Variants in EFCAB11 observed in about 807,000 individuals in gnomAD.
EFCAB11 encodes the protein EF-hand calcium binding domain 11.
Under a neutral mutation model 23.0 loss-of-function variants are expected in EFCAB11, and 14 were observed. The ratio of observed to expected loss-of-function variants is 0.61; its 90% CI spans 0.40 to 0.95. The LOEUF (loss-of-function observed/expected upper bound fraction) is 0.95. Ranked by LOEUF, EFCAB11 falls within the 40% of genes least tolerant of loss-of-function variation. The pLI, the probability that EFCAB11 is intolerant of heterozygous loss-of-function variation, is 0.00. For synonymous variants in EFCAB11, 65 were observed against 66.6 expected (o/e 0.98, Z 0.11); for missense variants, 198 against 195.8 (o/e 1.01, Z -0.07).
chr14:89,856,239 A>G (rs1271999799), intron 5 of EFCAB11, among the ~76,000 whole-genome samples: 1 of 143,782 alleles, frequency 7.0e-6, no homozygotes, highest in African/African-American at 2.6e-5. Flanking sequence ...TCAATGCTGG[A>G]GTGCAGTGGT....
chr14:89,843,055 T>C (rs925105370), intron 5 of EFCAB11, among the ~76,000 whole-genome samples: 10 of 152,162 alleles, frequency 6.6e-5, no homozygotes, highest in Non-Finnish European at 1.5e-4. Flanking sequence ...GTAGATGACT[T>C]AGCTCCATGG....
intron 5 of EFCAB11, chr14:89,829,807 T>C (rs1261683686): frequency 6.6e-6 from 1 of 152,126 alleles, no homozygotes; most frequent in Non-Finnish European, 1.5e-5. Context: ...CACCTTAAAT[T>C]TGATAAAGCA....
chr14:89,858,778 G>T (rs554985749), intron 5 of EFCAB11, among the ~76,000 whole-genome samples: 1 of 149,048 alleles, frequency 6.7e-6, no homozygotes, highest in East Asian at 2.0e-4. Flanking sequence ...CACTGTGCCT[G>T]GCCAATGATG....
At chr14:89,884,014 C>T (rs533109101) in intron 5 of EFCAB11, among the ~76,000 whole-genome samples, 1 of 152,116 alleles carries the variant, frequency 6.6e-6, no homozygotes, top group Admixed American at 6.6e-5. Flanking sequence ...ATAGTCCCAG[C>T]TACTCCAGAG....
chr14:89,826,543 G>T (rs1006900793), intron 5 of EFCAB11, among the ~76,000 whole-genome samples: 1 of 152,016 alleles, frequency 6.6e-6, no homozygotes, highest in Non-Finnish European at 1.5e-5. Context: ...CACCCTCTAA[G>T]AAATGGACTG....
chr14:89,826,568 C>A (rs1886697931), intron 5 of EFCAB11, among the ~76,000 whole-genome samples: 2 of 151,608 alleles, frequency 1.3e-5, no homozygotes, highest in Non-Finnish European at 2.9e-5. Context: ...AAAGGGAGAG[C>A]AGGAAGCTGT....
rs187121873 is a variant in EFCAB11, at chr14:89,885,631, C to T, written c.410+45910G>A. Among the ~76,000 whole-genome samples, 244 of 148,344 alleles carry T rather than the reference C, an allele frequency of 1.6e-3. 6 individuals are homozygous for T. The highest frequency in any genetic ancestry group is 1.2e-4 in the Non-Finnish European group (8 of 67,508). On this transcript the variant is annotated intron_variant, in intron 5 of 5. Transcript: ENST00000316738. ...GGTGGAGGTTGCAGTGAGCTGAGAT[C>T]GCACCACTGCACTCCAGCCTGGGTG... is the stretch of plus-strand genomic sequence containing the variant.
At chr14:89,938,438 G>C (rs764454060) in intron 3 of EFCAB11, among the ~76,000 whole-genome samples, 1 of 152,150 alleles carries the variant, frequency 6.6e-6, no homozygotes, top group African/African-American at 2.4e-5. Flanking sequence ...TAATGTGTTC[G>C]CACAGAAAGA....
chr14:89,860,558 A>C (rs532395879), intron 5 of EFCAB11, among the ~76,000 whole-genome samples: 1 of 152,308 alleles, frequency 6.6e-6, no homozygotes, highest in East Asian at 1.9e-4. Flanking sequence ...ATGTCTTTGA[A>C]GATATTTCAG....
Position 89,857,739 on chromosome 14 carries a change from G to C in EFCAB11, c.411-60415C>G, listed in dbSNP as rs893450363. Among the ~76,000 whole-genome samples, 6 of 152,128 alleles carry C rather than the reference G, an allele frequency of 3.9e-5. No individual in the cohort carries two copies. The South Asian group carries it at 1.2e-3, about 32-fold the overall frequency. ...ATTTCTTTCCACCTTCAATAAGAAG[G>C]CTTCTCAGAAACAATAAGTTCTGAA... On this transcript the variant is annotated intron_variant, in intron 5 of 5. Transcript: ENST00000316738.
intron 5 of EFCAB11, among the ~76,000 whole-genome samples, chr14:89,871,491 C>T (rs967692428): frequency 1.8e-4 from 28 of 152,122 alleles, no homozygotes; most frequent in South Asian, 2.1e-4. Flanking sequence ...GCAACCAACC[C>T]GGGCACTTTC....
intron 5 of EFCAB11, among the ~76,000 whole-genome samples, chr14:89,833,871 AATG>A (rs1886966010): frequency 6.6e-6 from 1 of 152,194 alleles, no homozygotes; most frequent in Non-Finnish European, 1.5e-5. Flanking sequence ...AGCAAAATGA[AATG>A]ATGGTGTGGG....
At chr14:89,952,935 G>A (rs1200372171) in intron 2 of EFCAB11, among the ~76,000 whole-genome samples, 1 of 152,130 alleles carries the variant, frequency 6.6e-6, no homozygotes, top group Non-Finnish European at 1.5e-5. Context: ...AACAAGAAGG[G>A]TGTTGTCTCT....
intron 5 of EFCAB11, among the ~76,000 whole-genome samples, chr14:89,882,531 ACT>A (rs1201790821): frequency 1.3e-5 from 2 of 151,806 alleles, no homozygotes; most frequent in South Asian, 4.2e-4. Context: ...GACTTCTCTC[ACT>A]CTCTCTCTTT....
At chr14:89,899,085 C>T (rs191013625) in intron 5 of EFCAB11, among the ~76,000 whole-genome samples, 1 of 152,234 alleles carries the variant, frequency 6.6e-6, no homozygotes, top group East Asian at 1.9e-4. Flanking sequence ...TACAGCATTG[C>T]CATCAGAATA....
chr14:89,855,230 C>T (rs1048605941), intron 5 of EFCAB11, among the ~76,000 whole-genome samples: 7 of 151,338 alleles, frequency 4.6e-5, no homozygotes, highest in Non-Finnish European at 7.4e-5. Context: ...AATCCCAGCA[C>T]TTTGGGAGGC....
At chr14:89,910,673 T>C (rs1054453094) in intron 5 of EFCAB11, among the ~76,000 whole-genome samples, 1 of 151,986 alleles carries the variant, frequency 6.6e-6, no homozygotes, top group African/African-American at 2.4e-5. Context: ...AAGGTCTAAG[T>C]TTCGTCACTG....
chr14:89,922,289 C>T (rs1021641239), intron 5 of EFCAB11, among the ~76,000 whole-genome samples: 1 of 152,336 alleles, frequency 6.6e-6, no homozygotes, highest in Non-Finnish European at 1.5e-5. Context: ...CAGTCTTTGT[C>T]ACACTGACAG....
At chr14:89,920,616 A>C (rs754091112) in intron 5 of EFCAB11, among the ~76,000 whole-genome samples, 4 of 152,222 alleles carry the variant, frequency 2.6e-5, no homozygotes, top group Non-Finnish European at 5.9e-5. Flanking sequence ...TCCTGTGAGG[A>C]TCCGTTCAGC....
Sources: allele counts gnomAD v4.1 joint callset (sites outside exome capture counted in the v4.1 genomes callset), GRCh38; gene constraint gnomAD v4.1.1; transcripts MANE v1.5; gene names NCBI Gene and HGNC (gene_info 2026-07-23, HGNC 2026-07-21).